The following ROR1 variants were observed in gnomAD, a reference collection of about 807,000 sequenced individuals.
The protein encoded by ROR1 is ROR family WNT receptor 1, also known as inactive tyrosine-protein kinase transmembrane receptor ROR1.
A neutral mutation model predicts 78.8 loss-of-function variants in ROR1; 19 were observed. That is an observed-to-expected ratio of 0.24 (90% confidence interval 0.17 to 0.35). The LOEUF (loss-of-function observed/expected upper bound fraction) is 0.35, where lower values mean the gene tolerates loss of function less well. Among genes scored for constraint, ROR1 ranks in the 10% least tolerant of loss-of-function variants. The pLI, the probability that ROR1 is intolerant of heterozygous loss-of-function variation, is 1.00. For synonymous variants in ROR1, 386 were observed against 433.6 expected, an observed-to-expected ratio of 0.89 and a Z score of 1.36; for missense variants, 917 against 1,177.8, an observed-to-expected ratio of 0.78 and a Z score of 3.24.
intron 4 of ROR1, among the ~76,000 whole-genome samples, chr1:64,081,582 GC>G (rs1217656410): frequency 1.3e-5 from 2 of 151,848 alleles, no homozygotes; most frequent in Non-Finnish European, 2.9e-5. Flanking sequence ...TTCGAGACCA[GC>G]CTGAGCAACA....
At chr1:63,951,860 C>A (rs1413297077) in intron 1 of ROR1, among the ~76,000 whole-genome samples, 2 of 151,954 alleles carry the variant, frequency 1.3e-5, no homozygotes, top group African/African-American at 4.8e-5. Context: ...AGTCTAAGAG[C>A]CTTAAGAAAA....
intron 1 of ROR1, chr1:63,789,063 C>T (rs570275657): frequency 1.0e-4 from 64 of 622,928 alleles, no homozygotes; most frequent in Middle Eastern, 3.0e-4. Flanking sequence ...TGTACCCTTT[C>T]GCTTACCTAT....
intron 1 of ROR1, chr1:63,789,138 G>T: frequency 1.6e-6 from 1 of 607,380 alleles, no homozygotes; most frequent in Admixed American, 1.9e-5. Context: ...GGAATGGACA[G>T]TCATTGGCTT....
intron 4 of ROR1, chr1:64,105,507 G>A (rs1227327416): frequency 4.6e-5 from 7 of 152,092 alleles, no homozygotes; most frequent in Non-Finnish European, 7.4e-5. Context: ...TGCTTTTGGC[G>A]TTTTCATTAT....
At chr1:63,986,382 G>A (rs1037245251) in intron 1 of ROR1, among the ~76,000 whole-genome samples, 2 of 152,138 alleles carry the variant, frequency 1.3e-5, no homozygotes, top group Non-Finnish European at 2.9e-5. Flanking sequence ...TTGACATAAA[G>A]GATGAATAGA....
intron 4 of ROR1, among the ~76,000 whole-genome samples, chr1:64,134,240 C>T (rs1376204806): frequency 6.6e-6 from 1 of 152,136 alleles, no homozygotes; most frequent in African/African-American, 2.4e-5. Context: ...GATAAAATGA[C>T]TTAGTATCTG....
At chr1:64,041,719 G>C (rs897482697) in intron 2 of ROR1, among the ~76,000 whole-genome samples, 2 of 152,178 alleles carry the variant, frequency 1.3e-5, no homozygotes, top group African/African-American at 4.8e-5. Context: ...CTACTCTGTA[G>C]TCAATAGCCC....
intron 4 of ROR1, among the ~76,000 whole-genome samples, chr1:64,131,068 A>T (rs1648896242): frequency 6.6e-6 from 1 of 152,212 alleles, no homozygotes; most frequent in Admixed American, 6.5e-5. Flanking sequence ...TTGGGTAAAG[A>T]GAAATTGCTA....
chr1:64,059,584 C>G (rs1190456604), intron 4 of ROR1, among the ~76,000 whole-genome samples: 2 of 151,926 alleles, frequency 1.3e-5, no homozygotes, highest in African/African-American at 4.8e-5. Flanking sequence ...TGGCATGCGC[C>G]TGTAATCCCA....
intron 4 of ROR1, among the ~76,000 whole-genome samples, chr1:64,077,289 A>G (rs1181943970): frequency 2.0e-5 from 3 of 152,218 alleles, no homozygotes; most frequent in African/African-American, 7.2e-5. Flanking sequence ...ACTCCATTGG[A>G]TACTTAAAAC....
chr1:64,161,143 TC>T (rs1261647059), intron 8 of ROR1, among the ~76,000 whole-genome samples: 4 of 152,192 alleles, frequency 2.6e-5, no homozygotes. Context: ...AGCTTTTACA[TC>T]CATTATCACA....
At chr1:63,964,586 G>A (rs1646058655) in intron 1 of ROR1, among the ~76,000 whole-genome samples, 1 of 152,210 alleles carries the variant, frequency 6.6e-6, no homozygotes, top group South Asian at 2.1e-4. Context: ...GGAGCTTACA[G>A]TTGATCTTCG....
At chr1:64,137,336 CA>C in intron 4 of ROR1, 32 bp from the exon 5 acceptor site, 2 of 1,612,350 alleles carry the variant, frequency 1.2e-6, no homozygotes, top group Admixed American at 3.3e-5. Flanking sequence ...GTATGTGGTG[CA>C]TCAGCTAATG....
chr1:64,024,330 A>C (rs192350247), intron 2 of ROR1, among the ~76,000 whole-genome samples: 309 of 152,088 alleles, frequency 2.0e-3, no homozygotes, highest in Non-Finnish European at 3.1e-3. Flanking sequence ...AAAATACAAA[A>C]ATTAGTAGGG....
chr1:64,136,253 C>T (rs972294324), intron 4 of ROR1, among the ~76,000 whole-genome samples: 2 of 151,970 alleles, frequency 1.3e-5, no homozygotes, highest in Non-Finnish European at 2.9e-5. Flanking sequence ...AGACAGCTTG[C>T]CTAAGGATGC....
chr1:63,911,883 G>A (rs1365420389), intron 1 of ROR1, among the ~76,000 whole-genome samples: 2 of 152,132 alleles, frequency 1.3e-5, no homozygotes, highest in African/African-American at 2.4e-5. Flanking sequence ...GTCAGGCTTT[G>A]GCCGTGAAAA....
chr1:64,149,357 A>T (rs1300344890), intron 7 of ROR1, among the ~76,000 whole-genome samples: 1 of 152,160 alleles, frequency 6.6e-6, no homozygotes, highest in Admixed American at 6.5e-5. Context: ...TAGAGTCCTG[A>T]TTATTTCAGA....
intron 4 of ROR1, among the ~76,000 whole-genome samples, chr1:64,114,132 A>C (rs2100678393): frequency 6.6e-6 from 1 of 152,176 alleles, no homozygotes; most frequent in East Asian, 1.9e-4. Flanking sequence ...CTCACCTACC[A>C]GGGGTAGAGA....
chr1:63,776,342 T>A (rs1644616120), intron 1 of ROR1, among the ~76,000 whole-genome samples: 1 of 152,164 alleles, frequency 6.6e-6, no homozygotes, highest in African/African-American at 2.4e-5. Context: ...TTTAGAGTTG[T>A]TTAAAAAAGG....
Sources: gnomAD v4.1 joint callset for allele counts (sites outside exome capture counted in the v4.1 genomes callset) on GRCh38, gnomAD v4.1.1 for gene constraint, MANE v1.5 for transcripts, NCBI Gene and HGNC (gene_info 2026-07-23, HGNC 2026-07-21) for gene names.